The following CNBD1 variants were observed in gnomAD, a reference collection of about 807,000 sequenced individuals.
The protein encoded by CNBD1 is cyclic nucleotide binding domain containing 1.
Under a neutral mutation model 54.4 loss-of-function variants are expected in CNBD1, and 71 were observed. The ratio of observed to expected loss-of-function variants is 1.30; its 90% CI spans 1.08 to 1.59. The LOEUF (loss-of-function observed/expected upper bound fraction) is 1.59. Ranked by LOEUF, CNBD1 falls within the 40% of genes most tolerant of loss-of-function variation. The probability of loss-of-function intolerance (pLI) is 0.00; values close to 1 mark genes in which losing one functional copy is unlikely to be tolerated. For missense variants in CNBD1, 659 were observed against 518.0 expected (o/e 1.27, Z -2.64); for synonymous variants, 182 against 170.7 (o/e 1.07, Z -0.51).
chr8:87,353,585 CA>C, intron 9 of CNBD1, 50 bp from the exon 10 acceptor site: 1 of 1,183,780 alleles, frequency 8.4e-7, no homozygotes. Context: ...AATACTGATT[CA>C]TTATATGGAA....
At chr8:86,925,131 T>A (rs1809336470) in intron 3 of CNBD1, among the ~76,000 whole-genome samples, 1 of 152,178 alleles carries the variant, frequency 6.6e-6, no homozygotes, top group Admixed American at 6.5e-5. Flanking sequence ...TGTCTTGGAC[T>A]CCTCAATTTT....
At chr8:87,332,984 T>G (rs539013341) in intron 8 of CNBD1, among the ~76,000 whole-genome samples, 5 of 152,334 alleles carry the variant, frequency 3.3e-5, no homozygotes, top group African/African-American at 1.2e-4. Flanking sequence ...TTTCATGATC[T>G]TGATTCTTCC....
intron 4 of CNBD1, among the ~76,000 whole-genome samples, chr8:86,948,766 G>A (rs1807531769): frequency 6.6e-6 from 1 of 152,078 alleles, no homozygotes; most frequent in Admixed American, 6.6e-5. Context: ...ACAACTTGAT[G>A]TGATCTCATT....
At chr8:86,881,221 GA>G (rs537233362) in intron 1 of CNBD1, among the ~76,000 whole-genome samples, 6 of 152,290 alleles carry the variant, frequency 3.9e-5, no homozygotes, top group African/African-American at 1.4e-4. Flanking sequence ...CAAATAGTAA[GA>G]GAGGAAGTAA....
At chr8:87,301,063 A>T (rs925272758) in intron 8 of CNBD1, among the ~76,000 whole-genome samples, 5 of 152,182 alleles carry the variant, frequency 3.3e-5, no homozygotes, top group Non-Finnish European at 1.5e-5. Context: ...CAAGGCTACT[A>T]TGAACACCTT....
intron 10 of CNBD1, among the ~76,000 whole-genome samples, chr8:87,359,114 A>C (rs997853484): frequency 1.3e-5 from 2 of 152,168 alleles, no homozygotes; most frequent in African/African-American, 4.8e-5. Flanking sequence ...TGTCACATAC[A>C]AAAGTGTTTC....
chr8:87,304,652 A>T (rs1809103399), intron 8 of CNBD1, among the ~76,000 whole-genome samples: 1 of 152,050 alleles, frequency 6.6e-6, no homozygotes, highest in Non-Finnish European at 1.5e-5. Context: ...TAAATAAATA[A>T]ATAAAAATCA....
intron 9 of CNBD1, among the ~76,000 whole-genome samples, chr8:87,352,478 C>CAAAAAAAAAAAAAAAA (rs386413278): frequency 7.4e-5 from 8 of 107,494 alleles, no homozygotes; most frequent in African/African-American, 2.3e-4. Flanking sequence ...GACTCTGTCT[C>CAAAAAAAAAAAAAAAA]AAAAAAAAAA....
chr8:87,308,806 T>A (rs766667429), intron 8 of CNBD1, among the ~76,000 whole-genome samples: 1 of 152,162 alleles, frequency 6.6e-6, no homozygotes, highest in Non-Finnish European at 1.5e-5. Context: ...GAGATCCACC[T>A]TTTTAGCTCC....
intron 4 of CNBD1, among the ~76,000 whole-genome samples, chr8:87,055,516 C>G (rs1342484341): frequency 1.3e-5 from 2 of 151,956 alleles, no homozygotes; most frequent in Non-Finnish European, 2.9e-5. Flanking sequence ...TTCCTGGGAG[C>G]CCACTAATTA....
intron 4 of CNBD1, among the ~76,000 whole-genome samples, chr8:87,124,355 A>G (rs899362385): frequency 2.0e-5 from 3 of 151,714 alleles, no homozygotes; most frequent in African/African-American, 7.2e-5. Context: ...GATTCAAATT[A>G]TATCAGGTGT....
chr8:87,181,872 T>C (rs771722215), intron 4 of CNBD1, among the ~76,000 whole-genome samples: 22 of 152,178 alleles, frequency 1.4e-4, no homozygotes, highest in Non-Finnish European at 2.4e-4. Context: ...ATGTGTAAAT[T>C]GGTTTACGTG....
chr8:86,995,754 A>T (rs1054671016), intron 4 of CNBD1, among the ~76,000 whole-genome samples: 4 of 151,998 alleles, frequency 2.6e-5, no homozygotes, highest in Non-Finnish European at 5.9e-5. Context: ...CAATGGAATG[A>T]TAAAAATGAA....
intron 6 of CNBD1, among the ~76,000 whole-genome samples, chr8:87,263,826 A>G (rs1802884272): frequency 6.6e-6 from 1 of 152,156 alleles, no homozygotes; most frequent in Admixed American, 6.6e-5. Context: ...AAACATTAGC[A>G]GGCAACAGAG....
At position 87,205,278 on chromosome 8, in the gene CNBD1, C is replaced by T. The variant is rs572206793; in HGVS notation, c.432-715C>T. Reference sequence around the variant, plus strand: ...TGATCTCCTGACCTCGTGATCCACCCGCCTCGGCCTCCCAAAGTGCTAGGA... The same window carrying T: ...TGATCTCCTGACCTCGTGATCCACCTGCCTCGGCCTCCCAAAGTGCTAGGA... On this transcript the variant is annotated intron_variant, in intron 4 of 10. Coordinates refer to ENST00000518476, the MANE Select transcript of CNBD1 (RefSeq NM_173538.3). Among the ~76,000 whole-genome samples the T allele has an allele frequency of 2.7e-3, 413 of 152,186 alleles. 3 individuals are homozygous for T. The highest frequency in any genetic ancestry group is 9.1e-3 in the African/African-American group (377 of 41,536).
chr8:87,001,839 T>A (rs558179821), intron 4 of CNBD1, among the ~76,000 whole-genome samples: 69 of 152,172 alleles, frequency 4.5e-4, no homozygotes, highest in Non-Finnish European at 8.4e-4. Flanking sequence ...ATATCACAGA[T>A]TTTTTCCCTC....
At chr8:86,870,535 C>T (rs745343935) in intron 1 of CNBD1, among the ~76,000 whole-genome samples, 8 of 152,046 alleles carry the variant, frequency 5.3e-5, no homozygotes, top group Non-Finnish European at 7.4e-5. Context: ...TTTCTTCGCT[C>T]TTTTTCATTT....
At position 87,201,909 on chromosome 8, in the gene CNBD1, C is replaced by A. The variant is rs7823047; in HGVS notation, c.432-4084C>A. Among the ~76,000 whole-genome samples the A allele has an allele frequency of 9.6e-3, 1,462 of 152,174 alleles. 27 individuals carry two copies. The highest frequency in any genetic ancestry group is 0.033 in the African/African-American group (1,385 of 41,494). ...CTGGGTTTACAGGAGCCTGCCACCA[C>A]ACCTAGCTAGTTTTTGTATTTTTAA... On this transcript the variant is annotated intron_variant, in intron 4 of 10. Coordinates refer to ENST00000518476, the MANE Select transcript of CNBD1 (RefSeq NM_173538.3).
intron 6 of CNBD1, among the ~76,000 whole-genome samples, chr8:87,252,213 AG>A (rs1807930356): frequency 6.6e-6 from 1 of 152,160 alleles, no homozygotes; most frequent in Non-Finnish European, 1.5e-5. Flanking sequence ...AAAAAGGAAA[AG>A]GCTTTTCCAT....
Sources: gnomAD v4.1 joint callset for allele counts (sites outside exome capture counted in the v4.1 genomes callset) on GRCh38, gnomAD v4.1.1 for gene constraint, MANE v1.5 for transcripts, NCBI Gene and HGNC (gene_info 2026-07-23, HGNC 2026-07-21) for gene names.